The following KIDINS220 variants were observed in gnomAD, a reference collection of about 807,000 sequenced individuals.
The protein encoded by KIDINS220 is kinase D-interacting substrate of 220 kDa.
In KIDINS220, 63 loss-of-function variants were observed where a neutral mutation model predicts 157.6. The ratio of observed to expected loss-of-function variants is 0.40; its 90% confidence interval spans 0.33 to 0.49. KIDINS220 has a LOEUF of 0.49. Among genes scored for constraint, KIDINS220 ranks in the 20% least tolerant of loss-of-function variants. KIDINS220 has a pLI of 0.66. For missense variants in KIDINS220, 1,772 were observed against 2,171.2 expected, an observed-to-expected ratio of 0.82 and a Z score of 3.65; for synonymous variants, 732 against 783.6, an observed-to-expected ratio of 0.93 and a Z score of 1.10.
intron 24 of KIDINS220, chr2:8,749,464 T>C (rs1038347705): frequency 2.2e-6 from 1 of 452,946 alleles, no homozygotes; most frequent in East Asian, 7.1e-5. Context: ...AGTGAGAATA[T>C]AGCTTGGGCC....
Position 8,790,909 on chromosome 2 carries a change from C to T in KIDINS220, c.1441+151G>A, listed in dbSNP as rs117474207. ...GCTTTAGAAAGAGAACTCAAATGAC[C>T]GTGTGAAGGACCAACCAGAGGGGAG... On this transcript the variant is annotated intron_variant, in intron 13 of 29. Coordinates refer to ENST00000256707, the MANE Select transcript of KIDINS220 (RefSeq NM_020738.4). 207 of 542,982 alleles carry T rather than the reference C, an allele frequency of 3.8e-4. 3 individuals carry two copies. The East Asian group carries it at 4.6e-3, about 12-fold the overall frequency. 33.6% of individuals were successfully genotyped at this position (542,982 alleles called of 1,614,324 possible). A position where few individuals can be genotyped will look rare whatever the true frequency, so the allele number is the denominator to read the frequency against.
intron 17 of KIDINS220, 31 bp from the exon 18 acceptor site, chr2:8,779,845 T>C (rs1449681326): frequency 6.2e-7 from 1 of 1,609,028 alleles, no homozygotes; most frequent in Non-Finnish European, 8.5e-7. Context: ...TAGAAAGCAC[T>C]GAAGGAAGAT....
intron 5 of KIDINS220, 101 bp from the exon 6 acceptor site, chr2:8,812,594 G>T: frequency 2.0e-6 from 1 of 506,642 alleles, no homozygotes. Flanking sequence ...AATCTTTTAG[G>T]TAGATATTTA....
chr2:8,727,866 AG>A (rs1439041910), downstream of KIDINS220, among the ~76,000 whole-genome samples: 2 of 152,232 alleles, frequency 1.3e-5, no homozygotes, highest in African/African-American at 4.8e-5. Flanking sequence ...CTAAATACCC[AG>A]CACTGCGGAA....
Position 8,730,407 on chromosome 2 carries a change from A to G in KIDINS220, c.*313T>C. On this transcript the variant is annotated 3_prime_UTR_variant, in exon 30 of 30. Coordinates refer to ENST00000256707, the MANE Select transcript of KIDINS220 (RefSeq NM_020738.4). ...TTTGGCACATTAAGCCCTTTAAAAT[A>G]CTTCTGACCTATCTTTATACTCAGA... 8.9e-7 allele frequency: 1 copy of G among 1,119,534 alleles called. No homozygotes were observed. Among genetic ancestry groups the G allele is most frequent in the Non-Finnish European group, 1.1e-6 (1 of 917,768 alleles). 69.4% of individuals were successfully genotyped at this position (1,119,534 alleles called of 1,614,324 possible). A position where few individuals can be genotyped will look rare whatever the true frequency, so the allele number is the denominator to read the frequency against.
chr2:8,733,470 G>A lies in KIDINS220; in HGVS notation c.4027C>T (p.Pro1343Ser). ...LNTLGLDEGA[P>S]RHSNLSWQSQ... ...TGCCAACTTAGATTACTGTGACGAG[G>A]GGCACCTTCATCCAGGCCAAGCGTG... The change falls in exon 29 of 30, where the codon CCT (proline) becomes TCT (serine). Residue 1343 changes from proline (P) to serine (S), a missense_variant. Pro to Ser is a moderately conservative substitution (Grantham distance 74). Around this residue, in one of 3 missense-constraint regions of KIDINS220, gnomAD observed 793 missense variants for 885.5 expected, o/e 0.90. Transcript: ENST00000256707. The A allele has an allele frequency of 6.2e-7, 1 of 1,613,934 alleles. No individual in the cohort carries two copies. The highest frequency in any genetic ancestry group is 1.1e-5 in the South Asian group (1 of 91,046).
chr2:8,770,865 A>C, intron 21 of KIDINS220, 33 bp from the exon 22 acceptor site: 1 of 1,387,200 alleles, frequency 7.2e-7, no homozygotes, highest in Non-Finnish European at 1.0e-6. Context: ...TTAAAAATTA[A>C]TAGATGTGTG....
At chr2:8,739,915 C>A (rs1665396975) in intron 26 of KIDINS220, among the ~76,000 whole-genome samples, 1 of 152,210 alleles carries the variant, frequency 6.6e-6, no homozygotes, top group Non-Finnish European at 1.5e-5. Flanking sequence ...AACTATATCA[C>A]TGTGTATTGT....
chr2:8,763,991 C>T (rs1043826272), intron 22 of KIDINS220, among the ~76,000 whole-genome samples: 1 of 152,188 alleles, frequency 6.6e-6, no homozygotes, highest in Non-Finnish European at 1.5e-5. Flanking sequence ...TGGAACCAAC[C>T]TAAGTACCCA....
intron 12 of KIDINS220, among the ~76,000 whole-genome samples, chr2:8,792,239 G>T (rs535332902): frequency 6.6e-6 from 1 of 152,116 alleles, no homozygotes; most frequent in Non-Finnish European, 1.5e-5. Context: ...GGCCAGAACT[G>T]CAGGAAAAGA....
At chr2:8,746,017 T>C (rs1222646782) in intron 26 of KIDINS220, among the ~76,000 whole-genome samples, 1 of 148,764 alleles carries the variant, frequency 6.7e-6, no homozygotes, top group African/African-American at 2.5e-5. Flanking sequence ...TGAGACGGAG[T>C]CTTGCTCTGT....
intron 26 of KIDINS220, among the ~76,000 whole-genome samples, chr2:8,738,056 T>G (rs994672464): frequency 5.9e-5 from 9 of 152,214 alleles, no homozygotes; most frequent in African/African-American, 1.7e-4. Context: ...ACAGTTACAA[T>G]TGTTTACATT....
intron 2 of KIDINS220, among the ~76,000 whole-genome samples, chr2:8,821,220 T>C (rs1014487013): frequency 2.6e-5 from 4 of 151,798 alleles, no homozygotes; most frequent in Non-Finnish European, 5.9e-5. Context: ...TGGTATAAAT[T>C]TGATAGCCTA....
At chr2:8,770,462 G>T (rs1670048293) in intron 22 of KIDINS220, among the ~76,000 whole-genome samples, 1 of 152,060 alleles carries the variant, frequency 6.6e-6, no homozygotes, top group Non-Finnish European at 1.5e-5. Context: ...GGAAAAGTTT[G>T]TCCAAATAAA....
chr2:8,748,050 A>C, intron 24 of KIDINS220, 50 bp from the exon 25 acceptor site: 1 of 1,071,062 alleles, frequency 9.3e-7, no homozygotes, highest in Non-Finnish European at 1.3e-6. Flanking sequence ...CAGAAATGAA[A>C]GTGTAATGAG....
At chr2:8,721,246 C>T (rs1212611000), downstream of KIDINS220, 1 of 152,010 alleles carries the variant, frequency 6.6e-6, no homozygotes, top group Non-Finnish European at 1.5e-5. Flanking sequence ...TAATCTTACA[C>T]AGAATAGTGA....
chr2:8,834,425 G>A (rs984008529), intron 1 of KIDINS220, among the ~76,000 whole-genome samples: 8 of 151,334 alleles, frequency 5.3e-5, no homozygotes, highest in Non-Finnish European at 1.0e-4. Context: ...TCTGACCACC[G>A]TGTATAAATG....
At chr2:8,747,689 G>T (rs1168294778) in intron 25 of KIDINS220, 198 bp downstream of exon 25, 1 of 408,380 alleles carries the variant, frequency 2.4e-6, no homozygotes, top group East Asian at 4.1e-5. Flanking sequence ...TCTTCGCTGA[G>T]ACTGCTAGTC....
chr2:8,797,119 C>T (rs1022410763), intron 10 of KIDINS220, among the ~76,000 whole-genome samples: 9 of 152,228 alleles, frequency 5.9e-5, no homozygotes, highest in African/African-American at 1.9e-4. Context: ...CAGCCGGCAG[C>T]AGTGGCTGCT....
Sources: gnomAD v4.1 joint callset for allele counts (sites outside exome capture counted in the v4.1 genomes callset) on GRCh38, gnomAD v4.1.1 for gene constraint, gnomAD v4.1.1 regional missense constraint, MANE v1.5 for transcripts, NCBI Gene and HGNC (gene_info 2026-07-23, HGNC 2026-07-21) for gene names.